The following GAN variants were observed in gnomAD, a reference collection of about 807,000 sequenced individuals.
The protein encoded by GAN is gigaxonin.
Under a neutral mutation model 71.3 loss-of-function variants are expected in GAN, and 48 were observed. That is an observed-to-expected ratio of 0.67 (90% confidence interval 0.53 to 0.86). The LOEUF (loss-of-function observed/expected upper bound fraction) is 0.86, where lower values mean the gene tolerates loss of function less well. Ranked by LOEUF, GAN falls within the 40% of genes least tolerant of loss-of-function variation. The probability of loss-of-function intolerance (pLI) is 0.00; values close to 1 mark genes in which losing one functional copy is unlikely to be tolerated. For synonymous variants in GAN, 386 were observed against 276.8 expected (o/e 1.39, Z -3.92); for missense variants, 928 against 770.1 (o/e 1.21, Z -2.43).
intron 1 of GAN, among the ~76,000 whole-genome samples, chr16:81,336,737 A>G (rs1168107218): frequency 6.6e-6 from 1 of 151,774 alleles, no homozygotes; most frequent in African/African-American, 2.4e-5. Flanking sequence ...CTCGGCCTCC[A>G]AAAGTGTTGG....
At chr16:81,352,896 G>C (rs1400667345) in intron 2 of GAN, among the ~76,000 whole-genome samples, 1 of 152,186 alleles carries the variant, frequency 6.6e-6, no homozygotes, top group Non-Finnish European at 1.5e-5. Context: ...AGTATAATGA[G>C]TTATAAGCCA....
At chr16:81,364,050 G>A (rs1338588999) in intron 7 of GAN, 107 bp downstream of exon 7, 9 of 919,666 alleles carry the variant, frequency 9.8e-6, no homozygotes, top group African/African-American at 1.6e-5. Flanking sequence ...GGTGTTAAAA[G>A]AATTAACTTT....
chr16:81,370,944 T>C (rs950669486), intron 9 of GAN, among the ~76,000 whole-genome samples: 3 of 152,184 alleles, frequency 2.0e-5, no homozygotes, highest in Non-Finnish European at 4.4e-5. Context: ...CCTTCAACTT[T>C]CCACAGAGCA....
chr16:81,327,186 G>A (rs542348784), intron 1 of GAN, among the ~76,000 whole-genome samples: 68 of 152,366 alleles, frequency 4.5e-4, no homozygotes, highest in South Asian at 2.5e-3. Context: ...ATGAGAGAGC[G>A]TTTTGTCCCA....
At position 81,371,695 on chromosome 16, in the gene GAN, C is replaced by G. The variant is rs182632896; in HGVS notation, c.1503-5524C>G. Among the ~76,000 whole-genome samples, 555 of 152,262 alleles carry G rather than the reference C, an allele frequency of 3.6e-3. 8 individuals carry two copies. Among genetic ancestry groups the G allele is most frequent in the Admixed American group, 0.025 (386 of 15,306 alleles). On this transcript the variant is annotated intron_variant, in intron 9 of 10. Coordinates refer to ENST00000648994, the MANE Select transcript of GAN (RefSeq NM_022041.4). ...GGAGATCCTGGTTGCCCCAAGACCC[C>G]TTTTCCTGATTGCTGAGTCCTGTAG...
intron 1 of GAN, among the ~76,000 whole-genome samples, chr16:81,342,325 T>C (rs1448239010): frequency 6.6e-6 from 1 of 152,166 alleles, no homozygotes; most frequent in Admixed American, 6.5e-5. Context: ...ATCAACAGAA[T>C]ATACATTCTT....
In GAN at chr16:81,356,919, G is replaced by T. The variant is rs760592761; in HGVS notation, c.768G>T (p.Pro256=). The change falls in exon 4 of 11, where the codon CCG becomes CCT. Residue 256 remains proline (P), a synonymous_variant. Coordinates refer to ENST00000648994, the MANE Select transcript of GAN (RefSeq NM_022041.4). ...GTAGCAATATACCGCTCAGCCAGCC[G>T]CAGCAAGGGGAGGCGATGCTGGCCA... ...KECSNIPLSQ[P]QQGEAMLANF... The T allele has an allele frequency of 1.2e-6, 2 of 1,613,616 alleles. No individual in the cohort carries two copies. The highest frequency in any genetic ancestry group is 1.7e-6 in the Non-Finnish European group (2 of 1,179,596).
At chr16:81,354,837 C>A in intron 3 of GAN, 82 bp downstream of exon 3, 2 of 811,374 alleles carry the variant, frequency 2.5e-6, no homozygotes, top group Non-Finnish European at 4.2e-6. Context: ...TTTTCTTCTT[C>A]ATCATGAAAG....
chr16:81,365,174 C>G, intron 8 of GAN, 64 bp downstream of exon 8: 3 of 1,583,040 alleles, frequency 1.9e-6, no homozygotes, highest in East Asian at 2.2e-5. Flanking sequence ...GAGCCCCTTA[C>G]CCTGCCTGGC....
At chr16:81,342,905 A>G (rs1248318114) in intron 1 of GAN, among the ~76,000 whole-genome samples, 1 of 152,214 alleles carries the variant, frequency 6.6e-6, no homozygotes, top group Admixed American at 6.5e-5. Context: ...AAGAAAAGAG[A>G]GAAGAATCAA....
At chr16:81,315,360 C>A in intron 1 of GAN, 80 bp downstream of exon 1, 1 of 1,060,050 alleles carries the variant, frequency 9.4e-7, no homozygotes, top group East Asian at 3.5e-5. Flanking sequence ...GGCGTGGCCC[C>A]CAGACCCTGT....
rs189694065 is a variant in GAN at position 81,347,757 on chromosome 16, C to G, written c.168-3826C>G. Among the ~76,000 whole-genome samples, 373 of 152,236 alleles carry G rather than the reference C, an allele frequency of 2.5e-3. 3 individuals carry two copies. The highest frequency in any genetic ancestry group is 4.8e-3 in the Admixed American group (74 of 15,298). On this transcript the variant is annotated intron_variant, in intron 1 of 10. Coordinates refer to ENST00000648994, the MANE Select transcript of GAN (RefSeq NM_022041.4). ...TTTCATTTACAAGTATGAAGCCATT[C>G]TGATTCTTGATCCTTTCCATATAGC...
At chr16:81,335,419 C>G (rs950692577) in intron 1 of GAN, among the ~76,000 whole-genome samples, 2 of 152,184 alleles carry the variant, frequency 1.3e-5, no homozygotes, top group Middle Eastern at 3.4e-3. Context: ...CAGTTTAAGA[C>G]CAGCCTGGGC....
chr16:81,371,893 T>C (rs527889921), intron 9 of GAN: 1 of 152,296 alleles, frequency 6.6e-6, no homozygotes, highest in African/African-American at 2.4e-5. Flanking sequence ...GTTTCCAGAG[T>C]GCTCAGGTAG....
rs1380417955 is a variant in GAN, at chr16:81,385,301, C to G, written c.*7705C>G. 1.3e-5 allele frequency: 2 copies of G among 152,124 alleles called. No homozygotes were observed. The highest frequency in any genetic ancestry group is 2.9e-5 in the Non-Finnish European group (2 of 68,040). The allele number at this position is 152,124 out of a possible 1,614,324, so 9.4% of individuals were successfully genotyped here. ...TTTCCATGAGAACAAAGGCTTATTC[C>G]TTTAACTTAAACCCCAAACTTTGTT... is the stretch of plus-strand genomic sequence containing the variant. On this transcript the variant is annotated 3_prime_UTR_variant, in exon 11 of 11. Coordinates refer to ENST00000648994, the MANE Select transcript of GAN (RefSeq NM_022041.4).
chr16:81,334,115 C>A (rs1044721356), intron 1 of GAN, among the ~76,000 whole-genome samples: 3 of 152,196 alleles, frequency 2.0e-5, no homozygotes, highest in African/African-American at 7.2e-5. Context: ...ATATTTCTTC[C>A]AGATACAAAT....
intron 1 of GAN, among the ~76,000 whole-genome samples, chr16:81,346,101 A>C (rs1456130269): frequency 6.6e-6 from 1 of 152,180 alleles, no homozygotes; most frequent in Non-Finnish European, 1.5e-5. Flanking sequence ...ACCTCCTCTA[A>C]ATTTTTTAGT....
chr16:81,367,084 A>G (rs1332536275), intron 9 of GAN, among the ~76,000 whole-genome samples: 1 of 152,110 alleles, frequency 6.6e-6, no homozygotes, highest in Non-Finnish European at 1.5e-5. Context: ...CAGCCTCTCA[A>G]AGTGCTGGGA....
intron 1 of GAN, among the ~76,000 whole-genome samples, chr16:81,321,926 A>G (rs1909236648): frequency 6.6e-6 from 1 of 152,212 alleles, no homozygotes; most frequent in South Asian, 2.1e-4. Context: ...GAAGGAAATC[A>G]AAGGCTCAGG....
Sources: allele counts gnomAD v4.1 joint callset (sites outside exome capture counted in the v4.1 genomes callset), GRCh38; gene constraint gnomAD v4.1.1; transcripts MANE v1.5; gene names NCBI Gene and HGNC (gene_info 2026-07-23, HGNC 2026-07-21).